Variants in RBFOX1 observed in about 807,000 individuals in gnomAD.
The protein encoded by RBFOX1 is RNA binding fox-1 homolog 1, also known as RNA binding protein fox-1 homolog 1.
RBFOX1 carries 8 observed loss-of-function variants against 57.7 expected under a neutral mutation model. The ratio of observed to expected loss-of-function variants is 0.14; its 90% CI spans 0.08 to 0.25. The LOEUF (loss-of-function observed/expected upper bound fraction) is 0.25. Ranked by LOEUF, RBFOX1 falls within the 10% of genes least tolerant of loss-of-function variation. The pLI is 1.00. For missense variants in RBFOX1, 611 were observed against 548.5 expected, an observed-to-expected ratio of 1.11 and a Z score of -1.14; for synonymous variants, 326 against 222.4, an observed-to-expected ratio of 1.47 and a Z score of -4.15.
rs937042952 is a variant in RBFOX1 at position 6,864,852 on chromosome 16, C to G, written c.-15-187205C>G. Among the ~76,000 whole-genome samples, 9 of 151,954 alleles carry G rather than the reference C, an allele frequency of 5.9e-5. No homozygotes were observed. The South Asian group carries it at 1.9e-3, about 32-fold the overall frequency. ...GTTGAGGCCATTTCCCTTTTTTTAT[C>G]TGAGGTCATGTGAATGGATACTCAT... On this transcript the variant is annotated intron_variant, in intron 3 of 15. Coordinates refer to ENST00000550418, the MANE Select transcript of RBFOX1 (RefSeq NM_018723.4).
At chr16:6,483,441 G>C (rs2095407265) in intron 2 of RBFOX1, 3 of 1,535,652 alleles carry the variant, frequency 2.0e-6, no homozygotes, top group South Asian at 1.2e-5. Context: ...CTGTTGCCTC[G>C]GACTTCTCCC....
At chr16:5,908,975 A>G (rs2058545767) in intron 4 of RBFOX1, among the ~76,000 whole-genome samples, 1 of 152,038 alleles carries the variant, frequency 6.6e-6, no homozygotes, top group Non-Finnish European at 1.5e-5. Flanking sequence ...CAAATCTGCT[A>G]GAGACTTGAT....
At chr16:6,648,568 C>G (rs1450997016) in intron 2 of RBFOX1, among the ~76,000 whole-genome samples, 3 of 152,172 alleles carry the variant, frequency 2.0e-5, no homozygotes, top group Admixed American at 1.3e-4. Context: ...GTCCTCCCAC[C>G]CTTCAGCCTT....
At chr16:5,315,411 C>T (rs1230447911) in intron 1 of RBFOX1, among the ~76,000 whole-genome samples, 2 of 152,182 alleles carry the variant, frequency 1.3e-5, no homozygotes, top group Non-Finnish European at 2.9e-5. Flanking sequence ...TCTAAATCAA[C>T]AGTGAAAAAG....
intron 3 of RBFOX1, among the ~76,000 whole-genome samples, chr16:5,671,671 A>C (rs932564954): frequency 7.9e-5 from 12 of 152,322 alleles, no homozygotes; most frequent in Middle Eastern, 3.4e-3. Context: ...CAAGTGATCA[A>C]AGTGCTAATG....
At chr16:6,863,509 A>G (rs2142782671) in intron 3 of RBFOX1, among the ~76,000 whole-genome samples, 1 of 152,180 alleles carries the variant, frequency 6.6e-6, no homozygotes, top group South Asian at 2.1e-4. Context: ...CATAGCAGGA[A>G]CTGTGTTTTA....
intron 1 of RBFOX1, among the ~76,000 whole-genome samples, chr16:5,281,448 C>G (rs1348227031): frequency 2.6e-5 from 4 of 152,142 alleles, no homozygotes; most frequent in Non-Finnish European, 5.9e-5. Flanking sequence ...TCCATTTGGT[C>G]TAAAGTGCAG....
intron 2 of RBFOX1, among the ~76,000 whole-genome samples, chr16:6,565,790 A>C (rs954499340): frequency 2.0e-5 from 3 of 152,166 alleles, no homozygotes; most frequent in Non-Finnish European, 4.4e-5. Context: ...AATTTTTGCT[A>C]TAAGCTCACC....
chr16:6,635,359 G>T (rs531685623), intron 2 of RBFOX1, among the ~76,000 whole-genome samples: 1 of 152,110 alleles, frequency 6.6e-6, no homozygotes, highest in African/African-American at 2.4e-5. Context: ...GTAAATATAA[G>T]TACAAGTGAA....
intron 1 of RBFOX1, among the ~76,000 whole-genome samples, chr16:5,344,329 C>T (rs2065094990): frequency 6.6e-6 from 1 of 152,180 alleles, no homozygotes; most frequent in Non-Finnish European, 1.5e-5. Context: ...TCAGCTGTGT[C>T]ATTGGTAGGG....
At chr16:6,704,048 C>T (rs2062291374) in intron 3 of RBFOX1, 1 of 152,420 alleles carries the variant, frequency 6.6e-6, no homozygotes, top group Admixed American at 6.5e-5. Flanking sequence ...ATTCCCCCTC[C>T]TCCTCGAGCT....
chr16:7,615,566 C>G (rs537841863), intron 10 of RBFOX1, among the ~76,000 whole-genome samples: 2 of 152,114 alleles, frequency 1.3e-5, no homozygotes, highest in South Asian at 2.1e-4. Flanking sequence ...ATCTTTGTGA[C>G]TCCAAAGCTC....
At position 5,496,285 on chromosome 16, in the gene RBFOX1, T is replaced by C. The variant is rs188973296; in HGVS notation, c.258+29031T>C. Reference sequence around the variant, plus strand: ...CTGTCACTATTTTCTTAATTTCTTCTCACGCTGGTGTCAAGAGCCTGGACA... The same window carrying C: ...CTGTCACTATTTTCTTAATTTCTTCCCACGCTGGTGTCAAGAGCCTGGACA... On this transcript the variant is annotated intron_variant, in intron 2 of 2. Transcript: ENST00000585867. 3.9e-4 allele frequency among the ~76,000 whole-genome samples: 60 copies of C among 152,306 alleles called. No homozygotes were observed. The South Asian group carries it at 5.8e-3, about 15-fold the overall frequency.
intron 4 of RBFOX1, among the ~76,000 whole-genome samples, chr16:7,506,760 C>T (rs1407199916): frequency 6.6e-6 from 1 of 152,106 alleles, no homozygotes; most frequent in African/African-American, 2.4e-5. Context: ...TTGTTTAGCA[C>T]CTCAGTTTTC....
chr16:7,236,537 C>G (rs528680845), intron 4 of RBFOX1, among the ~76,000 whole-genome samples: 3 of 152,228 alleles, frequency 2.0e-5, no homozygotes, highest in African/African-American at 7.2e-5. Flanking sequence ...GGCATTTTCC[C>G]CATCTGTTTT....
chr16:7,397,553 T>C (rs1224323272), intron 4 of RBFOX1, among the ~76,000 whole-genome samples: 1 of 152,152 alleles, frequency 6.6e-6, no homozygotes, highest in African/African-American at 2.4e-5. Flanking sequence ...TTCTGAACTT[T>C]GAAAGTCAGT....
At position 5,666,702 on chromosome 16, in the gene RBFOX1, A is replaced by G. The variant is rs114235388; in HGVS notation, c.318+67741A>G. 5.2e-3 allele frequency among the ~76,000 whole-genome samples: 796 copies of G among 152,280 alleles called. 6 individuals carry two copies. Among genetic ancestry groups the G allele is most frequent in the African/African-American group, 0.018 (766 of 41,558 alleles). ...ATGTGAAGGATGAGCTCTAATCCACATCTTCCTCCCCATCTGTTTTTTCTA... is the reference window on the plus strand; with the variant it reads ...ATGTGAAGGATGAGCTCTAATCCACGTCTTCCTCCCCATCTGTTTTTTCTA... On this transcript the variant is annotated intron_variant, in intron 3 of 19. Coordinates refer to the RBFOX1 transcript ENST00000641259.
chr16:7,274,067 A>C (rs75707314), intron 4 of RBFOX1, among the ~76,000 whole-genome samples: 1 of 152,220 alleles, frequency 6.6e-6, no homozygotes, highest in African/African-American at 2.4e-5. Flanking sequence ...TAGAGAAAAC[A>C]TAAGTGTGGA....
chr16:6,121,505 G>C lies in RBFOX1; in HGVS notation c.-127+101513G>C, dbSNP rs148188837. ...CAGTACCCCCAAATTCTAGCCTCCA[G>C]GAATGATCCAGCCACATTAACCTTT... On this transcript the variant is annotated intron_variant, in intron 1 of 15. Coordinates refer to ENST00000550418, the MANE Select transcript of RBFOX1 (RefSeq NM_018723.4). 5.9e-5 allele frequency among the ~76,000 whole-genome samples: 9 copies of C among 152,304 alleles called. No homozygotes were observed. In the East Asian group the frequency reaches 1.7e-3, roughly 29 times the overall value.
Sources: gnomAD v4.1 joint callset for allele counts (sites outside exome capture counted in the v4.1 genomes callset) on GRCh38, gnomAD v4.1.1 for gene constraint, MANE v1.5 for transcripts, NCBI Gene and HGNC (gene_info 2026-07-23, HGNC 2026-07-21) for gene names.